SATL1: variants seen among roughly 807,000 people sequenced by gnomAD.
SATL1 encodes the protein spermidine/spermine N(1)-acetyltransferase-like protein 1.
Under a neutral mutation model 51.8 loss-of-function variants are expected in SATL1, and 47 were observed. That is an observed-to-expected ratio of 0.91 (90% CI 0.72 to 1.16). The LOEUF (loss-of-function observed/expected upper bound fraction) is 1.16. SATL1 is among the 50% of genes most tolerant of loss of function. SATL1 has a pLI of 0.00. For synonymous variants in SATL1, 176 were observed against 182.4 expected (o/e 0.97, Z 0.28); for missense variants, 520 against 526.4 (o/e 0.99, Z 0.12).
chrX:85,159,407 T>C (rs1926665248), intron 2 of SATL1, among the ~76,000 whole-genome samples: 1 of 111,265 alleles, frequency 9.0e-6, no homozygotes, highest in African/African-American at 3.3e-5. Flanking sequence ...CAAACCCTAT[T>C]GTGAACTACA....
intron 4 of SATL1, among the ~76,000 whole-genome samples, chrX:85,102,232 C>A (rs73232532): frequency 1.0e-5 from 1 of 97,486 alleles, no homozygotes; most frequent in East Asian, 3.4e-4. Flanking sequence ...ATCCTTCCCC[C>A]CTCCCCCCAC....
At chrX:85,237,710 A>G (rs1187764275) in intron 1 of SATL1, among the ~76,000 whole-genome samples, 1 of 111,747 alleles carries the variant, frequency 8.9e-6, no homozygotes, top group Non-Finnish European at 1.9e-5. Context: ...AAAATGGACA[A>G]ATAGGATCAT....
intron 2 of SATL1, among the ~76,000 whole-genome samples, chrX:85,164,925 T>C (rs1031430370): frequency 9.1e-6 from 1 of 110,403 alleles, no homozygotes; most frequent in Non-Finnish European, 1.9e-5. Flanking sequence ...GCTTTCTCCA[T>C]GTTGGTCAGG....
chrX:85,233,703 T>C (rs1468098408), intron 1 of SATL1, among the ~76,000 whole-genome samples: 2 of 111,869 alleles, frequency 1.8e-5, no homozygotes, highest in African/African-American at 3.3e-5. Context: ...AAAAGAATTA[T>C]TGAGCTTTGA....
chrX:85,220,778 G>A (rs1221804418), intron 2 of SATL1, among the ~76,000 whole-genome samples: 1 of 107,116 alleles, frequency 9.3e-6, no homozygotes, highest in Non-Finnish European at 1.9e-5. Context: ...TAATTCCCTG[G>A]GGTGGAGAAG....
At chrX:85,191,271 G>A (rs890203712) in intron 2 of SATL1, among the ~76,000 whole-genome samples, 4 of 111,179 alleles carry the variant, frequency 3.6e-5, no homozygotes, top group Non-Finnish European at 7.5e-5. Context: ...CATAATAATT[G>A]TGCATATTTA....
intron 2 of SATL1, among the ~76,000 whole-genome samples, chrX:85,153,430 A>G (rs751185587): frequency 7.2e-5 from 8 of 111,650 alleles, no homozygotes; most frequent in African/African-American, 2.6e-4. Flanking sequence ...GACAATTTAA[A>G]AAACAGTCTT....
In SATL1 at chrX:85,182,209, T is replaced by C. The variant is rs1927220542; in HGVS notation, c.-313+41996A>G. On this transcript the variant is annotated intron_variant, in intron 2 of 7. Coordinates refer to ENST00000644105, the MANE Select transcript of SATL1 (RefSeq NM_001367857.2). ...TAATCCTTCTATCTAGCTGTAATTT[T>C]GTATCCTTTAACAAATATTTCCCTA... 4.5e-5 allele frequency among the ~76,000 whole-genome samples: 5 copies of C among 111,422 alleles called. 1 individual carries two copies. In the South Asian group the frequency reaches 1.9e-3, roughly 42 times the overall value.
intron 2 of SATL1, among the ~76,000 whole-genome samples, chrX:85,142,067 C>T (rs755636217): frequency 1.3e-3 from 139 of 104,243 alleles, no homozygotes; most frequent in African/African-American, 4.6e-3. Context: ...TACTTTATTG[C>T]TATGATATTA....
Position 85,188,448 on chromosome X carries a change from C to A in SATL1, c.-313+35757G>T, listed in dbSNP as rs1054204161. Among the ~76,000 whole-genome samples the A allele has an allele frequency of 3.6e-5, 4 of 111,255 alleles. No individual in the cohort carries two copies. In the East Asian group the frequency reaches 1.1e-3, roughly 32 times the overall value. On this transcript the variant is annotated intron_variant, in intron 2 of 7. Transcript: ENST00000644105. ...CTCTAGATAAAAATAATTGTAATAT[C>A]AATTAGCTACAACCGTTTTATGCAG...
chrX:85,096,209 A>T (rs933362603), intron 4 of SATL1, among the ~76,000 whole-genome samples: 4 of 111,416 alleles, frequency 3.6e-5, no homozygotes, highest in Non-Finnish European at 7.5e-5. Flanking sequence ...TATAAATTTT[A>T]AAAAATCCTC....
chrX:85,204,706 C>G (rs1927757609), intron 2 of SATL1, among the ~76,000 whole-genome samples: 2 of 111,780 alleles, frequency 1.8e-5, no homozygotes, highest in African/African-American at 3.3e-5. Context: ...ATTTCCTTGA[C>G]TCACTTATCC....
chrX:85,123,307 A>G (rs1211479984), intron 2 of SATL1, among the ~76,000 whole-genome samples: 1 of 111,399 alleles, frequency 9.0e-6, no homozygotes, highest in African/African-American at 3.3e-5. Context: ...TTTCCCCCAC[A>G]ACCTCACCAG....
At chrX:85,097,421 T>C (rs1207766519) in intron 4 of SATL1, among the ~76,000 whole-genome samples, 1 of 112,666 alleles carries the variant, frequency 8.9e-6, no homozygotes, top group Non-Finnish European at 1.9e-5. Flanking sequence ...CACTGCAACC[T>C]CTGCCTCCTG....
At chrX:85,106,545 C>T (rs1348398511) in intron 3 of SATL1, among the ~76,000 whole-genome samples, 3 of 112,057 alleles carry the variant, frequency 2.7e-5, no homozygotes, top group Non-Finnish European at 5.6e-5. Context: ...GCTCCAGCCA[C>T]ATATTTACTC....
chrX:85,239,147 A>G (rs1928536360), intron 1 of SATL1, among the ~76,000 whole-genome samples: 1 of 111,614 alleles, frequency 9.0e-6, no homozygotes, highest in Non-Finnish European at 1.9e-5. Context: ...ATAAAATAAA[A>G]TAAGCTGAGT....
intron 2 of SATL1, among the ~76,000 whole-genome samples, chrX:85,155,439 T>C (rs1926563628): frequency 9.0e-6 from 1 of 111,670 alleles, no homozygotes; most frequent in Admixed American, 9.6e-5. Flanking sequence ...GGATGATACA[T>C]ATCTTACTTC....
chrX:85,141,100 A>C (rs1318607789), intron 2 of SATL1, among the ~76,000 whole-genome samples: 1 of 111,329 alleles, frequency 9.0e-6, no homozygotes, highest in African/African-American at 3.3e-5. Context: ...ACATCATGAC[A>C]CAGCTGTATG....
chrX:85,187,846 AG>A (rs1287599707), intron 2 of SATL1, among the ~76,000 whole-genome samples: 1 of 111,233 alleles, frequency 9.0e-6, no homozygotes, highest in Non-Finnish European at 1.9e-5. Context: ...TAAATCAGTT[AG>A]GAAGAGTTCT....
Sources: gnomAD v4.1 joint callset for allele counts (sites outside exome capture counted in the v4.1 genomes callset) on GRCh38, gnomAD v4.1.1 for gene constraint, MANE v1.5 for transcripts, NCBI Gene and HGNC (gene_info 2026-07-23, HGNC 2026-07-21) for gene names.